PRKN: variants seen among roughly 807,000 people sequenced by gnomAD.
PRKN encodes the protein parkin RBR E3 ubiquitin protein ligase, also known as E3 ubiquitin-protein ligase parkin.
PRKN carries 56 observed loss-of-function variants against 59.5 expected under a neutral mutation model. The observed-to-expected ratio is 0.94, with a 90% CI of 0.76 to 1.18. The LOEUF (loss-of-function observed/expected upper bound fraction) is 1.18, where lower values mean the gene tolerates loss of function less well. Ranked by LOEUF, PRKN falls within the 50% of genes most tolerant of loss-of-function variation. The pLI is 0.00. For missense variants in PRKN, 657 were observed against 596.4 expected (o/e 1.10, Z -1.06); for synonymous variants, 250 against 222.1 (o/e 1.13, Z -1.12).
intron 1 of PRKN, among the ~76,000 whole-genome samples, chr6:162,495,569 C>G (rs1256203330): frequency 6.6e-6 from 1 of 152,180 alleles, no homozygotes; most frequent in Non-Finnish European, 1.5e-5. Context: ...TGTGAGCCAC[C>G]TGGCACACAC....
At chr6:161,565,430 G>A (rs1466459241) in intron 8 of PRKN, among the ~76,000 whole-genome samples, 3 of 152,116 alleles carry the variant, frequency 2.0e-5, no homozygotes, top group Non-Finnish European at 4.4e-5. Flanking sequence ...TCCCCATAAT[G>A]CCCACACGTC....
At chr6:161,607,884 G>A (rs1051767925) in intron 7 of PRKN, among the ~76,000 whole-genome samples, 5 of 152,196 alleles carry the variant, frequency 3.3e-5, no homozygotes, top group African/African-American at 1.2e-4. Flanking sequence ...TGGATGATGG[G>A]CTGGGGGAGA....
chr6:162,409,272 C>T (rs1788228798), intron 2 of PRKN, among the ~76,000 whole-genome samples: 1 of 151,968 alleles, frequency 6.6e-6, no homozygotes, highest in Admixed American at 6.6e-5. Flanking sequence ...TTCTGCGATC[C>T]TCCTGCCTCA....
chr6:162,596,527 T>G (rs991179186), intron 1 of PRKN, among the ~76,000 whole-genome samples: 3 of 152,196 alleles, frequency 2.0e-5, no homozygotes, highest in Non-Finnish European at 4.4e-5. Flanking sequence ...AATAACTTCC[T>G]AGGCATTGAA....
At chr6:162,579,457 C>G in intron 1 of PRKN, among the ~76,000 whole-genome samples, 1 of 151,880 alleles carries the variant, frequency 6.6e-6, no homozygotes, top group Non-Finnish European at 1.5e-5. Flanking sequence ...AATTGACACA[C>G]CCACTTTCAC....
Position 162,443,436 on chromosome 6 carries a change from C to T in PRKN, c.45G>A (p.Val15=), listed in dbSNP as rs761097200. 1.9e-6 allele frequency: 3 copies of T among 1,614,120 alleles called. No individual in the cohort carries two copies. In the South Asian group the frequency reaches 3.3e-5, roughly 18 times the overall value. The change falls in exon 2 of 12, where the codon GTG becomes GTA. Residue 15 remains valine, a synonymous_variant. Coordinates refer to ENST00000366898, the MANE Select transcript of PRKN (RefSeq NM_004562.3). ...VRFNSSHGFP[V]EVDSDTSIFQ... The stretch of plus-strand genomic sequence containing the variant: ...AGATGCTGGTGTCAGAATCGACCTC[C>T]ACTGGGAAACCATGGCTGGAGTTGA...
rs1779967848 is a variant in PRKN at position 161,550,605 on chromosome 6, G to GT, written c.934-1603dup. ...GAGAAGTTGCAGAATTTTCAGTCAG[G>GT]TTGGATGCCTGGTGTGAGAGGAAAA... On this transcript the variant is annotated intron_variant, in intron 8 of 11. Coordinates refer to ENST00000366898, the MANE Select transcript of PRKN (RefSeq NM_004562.3). This position sits in a 1 kb window ranked among gnomAD's most constrained non-coding sequence, Gnocchi z 4.0. Among the ~76,000 whole-genome samples, 1 of 152,124 alleles carries GT rather than the reference G, an allele frequency of 6.6e-6. No homozygotes were observed. Among genetic ancestry groups the GT allele is most frequent in the African/African-American group, 2.4e-5 (1 of 41,416 alleles).
intron 2 of PRKN, among the ~76,000 whole-genome samples, chr6:162,265,562 G>T (rs533030628): frequency 6.6e-6 from 1 of 152,122 alleles, no homozygotes; most frequent in East Asian, 1.9e-4. Context: ...ATGGTGGTGC[G>T]TGCCTGTAAT....
chr6:162,131,428 A>G (rs1781352321), intron 4 of PRKN, among the ~76,000 whole-genome samples: 1 of 152,228 alleles, frequency 6.6e-6, no homozygotes, highest in Non-Finnish European at 1.5e-5. Flanking sequence ...AAATCAGCCA[A>G]TGATGAAAAG....
intron 9 of PRKN, among the ~76,000 whole-genome samples, chr6:161,539,151 T>G (rs189199584): frequency 6.6e-6 from 1 of 152,266 alleles, no homozygotes; most frequent in African/African-American, 2.4e-5. Context: ...AAAGTTGCAT[T>G]GGGATACGTT....
intron 1 of PRKN, among the ~76,000 whole-genome samples, chr6:162,523,742 C>T (rs1778163752): frequency 6.6e-6 from 1 of 151,616 alleles, no homozygotes; most frequent in Non-Finnish European, 1.5e-5. Context: ...TTTGGCTGGG[C>T]ATAGTGGCTC....
chr6:162,483,359 T>C (rs894610289), intron 1 of PRKN, among the ~76,000 whole-genome samples: 8 of 152,154 alleles, frequency 5.3e-5, no homozygotes, highest in African/African-American at 1.9e-4. Flanking sequence ...GTTATGCCTA[T>C]GTAAAAACAC....
intron 7 of PRKN, among the ~76,000 whole-genome samples, chr6:161,749,599 A>C (rs1010709010): frequency 3.3e-5 from 5 of 152,054 alleles, no homozygotes; most frequent in African/African-American, 1.2e-4. Context: ...ACCTCTTATC[A>C]TTAAGAGGGA....
chr6:162,451,515 A>G (rs1790625892), intron 1 of PRKN, among the ~76,000 whole-genome samples: 1 of 152,126 alleles, frequency 6.6e-6, no homozygotes, highest in African/African-American at 2.4e-5. Context: ...ACTTGAGCCC[A>G]GGAGTTTGAG....
rs1280217541 is a variant in PRKN at position 162,163,014 on chromosome 6, AT to A, written c.534+38116del. ...CAGAGCGAGATTCTGTCTCAAAAAA[AT>A]AAATAAATAAAAAGAAAAATTTCTC... On this transcript the variant is annotated intron_variant, in intron 4 of 11. Transcript: ENST00000366898. Among the ~76,000 whole-genome samples, 3 of 145,698 alleles carry A rather than the reference AT, an allele frequency of 2.1e-5. 1 individual carries two copies. Among genetic ancestry groups the A allele is most frequent in the African/African-American group, 8.3e-5 (3 of 36,290 alleles).
chr6:162,111,840 C>T (rs1422108088), intron 4 of PRKN, among the ~76,000 whole-genome samples: 2 of 152,158 alleles, frequency 1.3e-5, no homozygotes, highest in Non-Finnish European at 2.9e-5. Context: ...TAGTTTGTTG[C>T]CCTGGGGCCT....
chr6:162,122,283 G>T (rs1278133895), intron 4 of PRKN, among the ~76,000 whole-genome samples: 2 of 152,168 alleles, frequency 1.3e-5, no homozygotes, highest in Admixed American at 1.3e-4. Context: ...CAACACTCCT[G>T]TGTGCTCATC....
At chr6:162,453,575 C>G (rs1790726020) in intron 1 of PRKN, among the ~76,000 whole-genome samples, 1 of 152,110 alleles carries the variant, frequency 6.6e-6, no homozygotes, top group Non-Finnish European at 1.5e-5. Flanking sequence ...CACAGTTTCT[C>G]TCTCTCAATT....
At chr6:161,797,133 A>G (rs1790882857) in intron 6 of PRKN, among the ~76,000 whole-genome samples, 1 of 152,228 alleles carries the variant, frequency 6.6e-6, no homozygotes, top group African/African-American at 2.4e-5. Context: ...AAAAAGATAC[A>G]TCTTTTGCTG....
Sources: gnomAD v4.1 joint callset for allele counts (sites outside exome capture counted in the v4.1 genomes callset) on GRCh38, gnomAD v4.1.1 for gene constraint, Gnocchi (gnomAD v3.1) non-coding constraint, MANE v1.5 for transcripts, NCBI Gene and HGNC (gene_info 2026-07-23, HGNC 2026-07-21) for gene names.